The following XNDC1N variants were observed in gnomAD, a reference collection of about 807,000 sequenced individuals.
The protein encoded by XNDC1N is XRCC1 N-terminal domain containing 1, N-terminal like, also known as protein XNDC1N.
chr11:71,898,130 GC>G, the XNDC1N span, among the ~76,000 whole-genome samples: 1 of 151,942 alleles, frequency 6.6e-6, no homozygotes, highest in Non-Finnish European at 1.5e-5. Context: ...GTTGGAGTGA[GC>G]CCCGATTGTG....
At chr11:71,903,082 T>C in the XNDC1N span, 2 of 549,002 alleles carry the variant, frequency 3.6e-6, no homozygotes, top group South Asian at 3.7e-5. Context: ...AAAACATTAC[T>C]TGTGAATTGC....
chr11:71,916,523 C>T, the XNDC1N span: 1 of 394,400 alleles, frequency 2.5e-6, no homozygotes, highest in Non-Finnish European at 4.7e-6. Context: ...AATTCTATAC[C>T]TCTCCAGGGA....
At chr11:71,910,901 A>G in the XNDC1N span, among the ~76,000 whole-genome samples, 1 of 152,228 alleles carries the variant, frequency 6.6e-6, no homozygotes, top group Non-Finnish European at 1.5e-5. Flanking sequence ...GATCCCAACA[A>G]CAGCAAGGCT....
the XNDC1N span, among the ~76,000 whole-genome samples, chr11:71,922,254 G>A: frequency 6.6e-6 from 1 of 152,132 alleles, no homozygotes; most frequent in Non-Finnish European, 1.5e-5. Flanking sequence ...TTAGAATAGG[G>A]GTTAATATAT....
At chr11:71,922,582 C>T in the XNDC1N span, among the ~76,000 whole-genome samples, 1 of 152,204 alleles carries the variant, frequency 6.6e-6, no homozygotes, top group African/African-American at 2.4e-5. Context: ...GAATTACAGG[C>T]ATGAGTCCCA....
At chr11:71,891,807 G>A in the XNDC1N span, among the ~76,000 whole-genome samples, 4,214 of 151,880 alleles carry the variant, frequency 0.028, 47 homozygotes, top group East Asian at 0.077. Flanking sequence ...ATATCATCGG[G>A]GCTGAACACC....
the XNDC1N span, among the ~76,000 whole-genome samples, chr11:71,920,991 TTTC>T: frequency 1.3e-3 from 195 of 152,006 alleles, no homozygotes; most frequent in Middle Eastern, 6.8e-3. Flanking sequence ...AGTAAATAAA[TTTC>T]TTCTTCTTTT....
the XNDC1N span, among the ~76,000 whole-genome samples, chr11:71,877,603 G>A: frequency 8.8e-4 from 134 of 152,254 alleles, 1 homozygote; most frequent in African/African-American, 3.1e-3. Flanking sequence ...GCACCACTGC[G>A]CTCCAGCCTG....
the XNDC1N span, among the ~76,000 whole-genome samples, chr11:71,871,828 C>T: frequency 9.2e-5 from 14 of 152,100 alleles, no homozygotes; most frequent in Non-Finnish European, 1.8e-4. Context: ...TTAACACACA[C>T]TAGAATAACT....
the XNDC1N span, among the ~76,000 whole-genome samples, chr11:71,889,114 A>G: frequency 1.3e-5 from 2 of 152,164 alleles, no homozygotes; most frequent in African/African-American, 4.8e-5. Context: ...AGCTGAACTC[A>G]TTGCTTTCAT....
the XNDC1N span, among the ~76,000 whole-genome samples, chr11:71,871,630 CAATA>C: frequency 1.3e-5 from 2 of 151,840 alleles, no homozygotes; most frequent in East Asian, 3.8e-4. Context: ...ACTTTGTACC[CAATA>C]AATAAGACAA....
the XNDC1N span, among the ~76,000 whole-genome samples, chr11:71,922,774 A>G: frequency 1.3e-5 from 2 of 152,152 alleles, no homozygotes; most frequent in African/African-American, 4.8e-5. Context: ...AACAGAAGGG[A>G]AAGAGGTGGA....
chr11:71,881,235 G>T, the XNDC1N span, among the ~76,000 whole-genome samples: 1 of 151,984 alleles, frequency 6.6e-6, no homozygotes, highest in Non-Finnish European at 1.5e-5. Flanking sequence ...ATATCCTCTT[G>T]CTGGATTGGC....
the XNDC1N span, among the ~76,000 whole-genome samples, chr11:71,867,090 C>G: frequency 6.6e-6 from 1 of 151,908 alleles, no homozygotes; most frequent in African/African-American, 2.4e-5. Flanking sequence ...GTATGACACC[C>G]AATGATAGAC....
At chr11:71,901,380 C>A in the XNDC1N span, among the ~76,000 whole-genome samples, 5 of 152,056 alleles carry the variant, frequency 3.3e-5, no homozygotes, top group African/African-American at 1.2e-4. Context: ...AGGCGAATCA[C>A]AAGGTCAGTA....
chr11:71,913,614 G>A, the XNDC1N span, among the ~76,000 whole-genome samples: 23 of 145,680 alleles, frequency 1.6e-4, no homozygotes, highest in East Asian at 2.6e-3. Flanking sequence ...AGCCAAGATC[G>A]TGCCACTGCA....
At chr11:71,867,273 G>GT in the XNDC1N span, among the ~76,000 whole-genome samples, 1 of 152,168 alleles carries the variant, frequency 6.6e-6, no homozygotes, top group Non-Finnish European at 1.5e-5. Flanking sequence ...TAAGTAGAAG[G>GT]TCCCCAGCCT....
At chr11:71,916,131 G>A in the XNDC1N span, 1 of 702,898 alleles carries the variant, frequency 1.4e-6, no homozygotes, top group Non-Finnish European at 2.6e-6. Context: ...CATCTAAGGA[G>A]TCCAGAGAAG....
chr11:71,896,960 C>T, the XNDC1N span, among the ~76,000 whole-genome samples: 2 of 152,162 alleles, frequency 1.3e-5, no homozygotes, highest in Admixed American at 1.3e-4. Flanking sequence ...TTCACGAGTG[C>T]TAAGAAAGCT....
Sources: allele counts gnomAD v4.1 joint callset (sites outside exome capture counted in the v4.1 genomes callset), GRCh38; gene constraint gnomAD v4.1.1; transcripts MANE v1.5; gene names NCBI Gene and HGNC (gene_info 2026-07-23, HGNC 2026-07-21).